AMY2B: variants seen among roughly 807,000 people sequenced by gnomAD.
The protein encoded by AMY2B is alpha-amylase 2B.
A neutral mutation model predicts 59.3 loss-of-function variants in AMY2B; 63 were observed. The observed-to-expected ratio is 1.06, with a 90% CI of 0.87 to 1.31. AMY2B has a LOEUF of 1.31. AMY2B is among the 50% of genes most tolerant of loss of function. The probability of loss-of-function intolerance (pLI) is 0.00; values close to 1 mark genes in which losing one functional copy is unlikely to be tolerated. For synonymous variants in AMY2B, 180 were observed against 198.1 expected (o/e 0.91, Z 0.77); for missense variants, 635 against 626.7 (o/e 1.01, Z -0.14).
At chr1:103,572,017 A>G in intron 1 of AMY2B, 93 bp from the exon 2 acceptor site, 2 of 1,587,082 alleles carry the variant, frequency 1.3e-6, no homozygotes, top group Admixed American at 3.6e-5. Flanking sequence ...ATATACCAAG[A>G]TTCAAGAATT....
chr1:103,565,528 T>A (rs1651880505), exon 2 of AMY2B: 1 of 152,186 alleles, frequency 6.6e-6, no homozygotes, highest in South Asian at 2.1e-4. Flanking sequence ...TACTATTAGC[T>A]GGCGAGTCAA....
At chr1:103,576,710 A>G (rs1213373477) in intron 7 of AMY2B, among the ~76,000 whole-genome samples, 2 of 152,210 alleles carry the variant, frequency 1.3e-5, no homozygotes, top group Non-Finnish European at 2.9e-5. Context: ...GGACTCTAAT[A>G]TTTATTGAGC....
chr1:103,570,322 C>T (rs144628009), upstream of AMY2B: 87 of 640,868 alleles, frequency 1.4e-4, 1 homozygote, highest in African/African-American at 1.3e-4. Context: ...TGCAGTGTCC[C>T]GAGACGCTGT....
chr1:103,571,350 A>C, upstream of AMY2B: 1 of 1,005,082 alleles, frequency 9.9e-7, no homozygotes, highest in Non-Finnish European at 1.4e-6. Flanking sequence ...GCAATATATC[A>C]TTGTGTATGG....
chr1:103,559,497 G>A (rs142449683), intron 1 of AMY2B, among the ~76,000 whole-genome samples: 2,274 of 152,160 alleles, frequency 0.015, 51 homozygotes, highest in African/African-American at 0.052. Flanking sequence ...CATACCTTTG[G>A]CACTGTCCTA....
At chr1:103,568,162 A>C (rs539062701), upstream of AMY2B, among the ~76,000 whole-genome samples, 1 of 152,346 alleles carries the variant, frequency 6.6e-6, no homozygotes, top group Non-Finnish European at 1.5e-5. Context: ...TTCTCTGAGA[A>C]CAGAAACCTG....
chr1:103,570,362 T>C (rs1438939843), upstream of AMY2B: 1 of 743,738 alleles, frequency 1.3e-6, no homozygotes, highest in Non-Finnish European at 2.4e-6. Flanking sequence ...CATGGAATCT[T>C]GTGGCATCCA....
In AMY2B at chr1:103,579,467, A is replaced by G; in HGVS notation, c.1503A>G (p.Pro501=). 1 of 1,611,530 alleles carries G rather than the reference A, an allele frequency of 6.2e-7. No homozygotes were observed. The highest frequency in any genetic ancestry group is 8.5e-7 in the Non-Finnish European group (1 of 1,179,650). ...CTATTAGTAACTCTGCTGAGGATCC[A>G]TTTATTGCAATTCATGCTGAATCTA... ...HFSISNSAED[P]FIAIHAESKL is the part of the protein sequence containing the mutation. The change falls in exon 10 of 10, where the codon CCA becomes CCG. Residue 501 remains proline, a synonymous_variant. Coordinates refer to ENST00000684275, the MANE Select transcript of AMY2B (RefSeq NM_001387437.1).
chr1:103,566,801 G>T (rs747189907), upstream of AMY2B, among the ~76,000 whole-genome samples: 3 of 152,118 alleles, frequency 2.0e-5, no homozygotes, highest in Non-Finnish European at 4.4e-5. Flanking sequence ...ACTTTTGCTA[G>T]GATTAGAGTC....
At chr1:103,576,780 T>C (rs1652372871) in intron 7 of AMY2B, among the ~76,000 whole-genome samples, 1 of 152,222 alleles carries the variant, frequency 6.6e-6, no homozygotes, top group African/African-American at 2.4e-5. Context: ...AAAAAAACAA[T>C]ATTCCCATTT....
chr1:103,573,322 G>T, intron 3 of AMY2B, 62 bp downstream of exon 3: 1 of 1,607,088 alleles, frequency 6.2e-7, no homozygotes, highest in Admixed American at 1.7e-5. Context: ...TTGTAGACAT[G>T]TAGCTAATTG....
chr1:103,565,727 A>T (rs1298554841), intron 2 of AMY2B: 3 of 152,154 alleles, frequency 2.0e-5, no homozygotes, highest in Non-Finnish European at 4.4e-5. Context: ...AGCTAATTCC[A>T]TAGTCTTTGT....
Position 103,575,478 on chromosome 1 carries a change from C to G in AMY2B, c.1039C>G (p.Pro347Ala). The change falls in exon 7 of 10, where the codon CCT becomes GCT. Residue 347 changes from proline to alanine, a missense_variant. Transcript: ENST00000684275. ...GGCAGTTGGATTTATGCTTGCTCAT[C>G]CTTATGGTTTTACACGAGTAATGTC... is the stretch of plus-strand genomic sequence containing the variant. ...KMAVGFMLAH[P>A]YGFTRVMSSY... The G allele has an allele frequency of 3.1e-6, 5 of 1,613,656 alleles. No homozygotes were observed.
intron 1 of AMY2B, among the ~76,000 whole-genome samples, chr1:103,557,611 C>A (rs1651600182): frequency 6.6e-6 from 1 of 151,336 alleles, no homozygotes; most frequent in Non-Finnish European, 1.5e-5. Flanking sequence ...CGAGATTGGG[C>A]CACTGCACTC....
chr1:103,571,184 G>A (rs1035947142), upstream of AMY2B: 10 of 794,458 alleles, frequency 1.3e-5, no homozygotes, highest in Non-Finnish European at 1.6e-5. Flanking sequence ...ACCATGGGCT[G>A]TTACTCGCCT....
At chr1:103,565,666 AC>A (rs1391301119) in intron 2 of AMY2B, 1 of 151,732 alleles carries the variant, frequency 6.6e-6, no homozygotes, top group Non-Finnish European at 1.5e-5. Flanking sequence ...CCCCAGTCAA[AC>A]TTTGCTTGTG....
chr1:103,555,755 T>A (rs1342333958), intron 1 of AMY2B, among the ~76,000 whole-genome samples: 3 of 152,122 alleles, frequency 2.0e-5, no homozygotes, highest in Admixed American at 1.3e-4. Context: ...AGACAACTCT[T>A]AAAGAGTCTT....
At chr1:103,575,086 C>A in intron 5 of AMY2B, 137 bp from the exon 6 acceptor site, 3 of 936,320 alleles carry the variant, frequency 3.2e-6, no homozygotes, top group African/African-American at 1.7e-5. Flanking sequence ...ATATATATAT[C>A]TTACAGAATA....
upstream of AMY2B, chr1:103,571,335 C>A: frequency 2.2e-6 from 2 of 929,224 alleles, no homozygotes; most frequent in Non-Finnish European, 3.1e-6. Context: ...GAACATTAGG[C>A]CCCAGCAATA....
Sources: allele counts gnomAD v4.1 joint callset (sites outside exome capture counted in the v4.1 genomes callset), GRCh38; gene constraint gnomAD v4.1.1; transcripts MANE v1.5; gene names NCBI Gene and HGNC (gene_info 2026-07-23, HGNC 2026-07-21).